Variants in GALNT17 observed in about 807,000 individuals in gnomAD.
GALNT17 encodes the protein polypeptide N-acetylgalactosaminyltransferase 17.
A neutral mutation model predicts 63.7 loss-of-function variants in GALNT17; 29 were observed. That is an observed-to-expected ratio of 0.46 (90% CI 0.34 to 0.62). The LOEUF (loss-of-function observed/expected upper bound fraction) is 0.62, where lower values mean the gene tolerates loss of function less well. GALNT17 is among the 20% of genes least tolerant of loss of function. The pLI is 0.01. For missense variants in GALNT17, 603 were observed against 799.6 expected (o/e 0.75, Z 2.97); for synonymous variants, 305 against 318.3 (o/e 0.96, Z 0.45).
At chr7:71,701,705 A>G (rs951077255) in intron 9 of GALNT17, among the ~76,000 whole-genome samples, 2 of 149,400 alleles carry the variant, frequency 1.3e-5, no homozygotes, top group Admixed American at 6.7e-5. Flanking sequence ...AGTGGATGGG[A>G]TAAAGAAAAT....
intron 1 of GALNT17, among the ~76,000 whole-genome samples, chr7:71,158,811 G>A (rs1047757517): frequency 6.6e-5 from 10 of 151,626 alleles, no homozygotes; most frequent in Admixed American, 2.0e-4. Flanking sequence ...TCCTGACCTC[G>A]TGGTCCACCC....
At chr7:71,531,571 A>G in intron 5 of GALNT17, among the ~76,000 whole-genome samples, 1 of 152,174 alleles carries the variant, frequency 6.6e-6, no homozygotes, top group Non-Finnish European at 1.5e-5. Context: ...TACTTCCTAG[A>G]TATAAACTCA....
chr7:71,481,818 C>A (rs1449047044), intron 5 of GALNT17, among the ~76,000 whole-genome samples: 1 of 152,012 alleles, frequency 6.6e-6, no homozygotes, highest in Non-Finnish European at 1.5e-5. Context: ...CGACAAGTTT[C>A]ATTCGTACTC....
intron 9 of GALNT17, among the ~76,000 whole-genome samples, chr7:71,690,394 C>G (rs1428952404): frequency 1.3e-5 from 2 of 151,938 alleles, no homozygotes; most frequent in East Asian, 3.9e-4. Flanking sequence ...ATTCCTTTCA[C>G]AATATCACTG....
chr7:71,255,761 G>C (rs1790277576), intron 1 of GALNT17, among the ~76,000 whole-genome samples: 1 of 152,162 alleles, frequency 6.6e-6, no homozygotes, highest in Non-Finnish European at 1.5e-5. Context: ...AGGCATTCCA[G>C]CTGAGGGAAC....
intron 3 of GALNT17, among the ~76,000 whole-genome samples, chr7:71,399,858 T>A (rs552898616): frequency 4.0e-4 from 61 of 152,260 alleles, no homozygotes; most frequent in African/African-American, 1.4e-3. Flanking sequence ...AGTGTGCATT[T>A]AAAAAAATAG....
chr7:71,454,010 T>C (rs1787312001), intron 5 of GALNT17, among the ~76,000 whole-genome samples: 1 of 152,216 alleles, frequency 6.6e-6, no homozygotes, highest in Non-Finnish European at 1.5e-5. Context: ...CTATTCACAC[T>C]ATGATATCAA....
intron 6 of GALNT17, among the ~76,000 whole-genome samples, chr7:71,627,303 A>T (rs776363140): frequency 2.0e-5 from 3 of 152,174 alleles, no homozygotes; most frequent in Non-Finnish European, 4.4e-5. Context: ...GGTTACCCAC[A>T]CTGGAGCAAC....
At chr7:71,292,802 A>C (rs1162856856) in intron 1 of GALNT17, among the ~76,000 whole-genome samples, 1 of 152,052 alleles carries the variant, frequency 6.6e-6, no homozygotes, top group Non-Finnish European at 1.5e-5. Context: ...TTAGATCTTC[A>C]GAAATTGTTT....
intron 8 of GALNT17, among the ~76,000 whole-genome samples, chr7:71,670,780 T>C (rs1317354879): frequency 6.6e-6 from 1 of 152,126 alleles, no homozygotes; most frequent in Non-Finnish European, 1.5e-5. Flanking sequence ...TTATCTAACT[T>C]ACCTAAGGTC....
chr7:71,288,778 G>T (rs1790924863), intron 1 of GALNT17, among the ~76,000 whole-genome samples: 1 of 152,054 alleles, frequency 6.6e-6, no homozygotes, highest in Non-Finnish European at 1.5e-5. Context: ...GCTGGAGGAA[G>T]CCCAGCTAGA....
At chr7:71,289,190 A>T (rs1248447087) in intron 1 of GALNT17, among the ~76,000 whole-genome samples, 1 of 148,070 alleles carries the variant, frequency 6.8e-6, no homozygotes, top group Non-Finnish European at 1.5e-5. Flanking sequence ...CTGTGCAGGC[A>T]TCATCTGACC....
chr7:71,489,850 C>T (rs1301819308), intron 5 of GALNT17, among the ~76,000 whole-genome samples: 1 of 152,194 alleles, frequency 6.6e-6, no homozygotes, highest in African/African-American at 2.4e-5. Flanking sequence ...TGGCTGGGGG[C>T]TCAGATGTTC....
intron 2 of GALNT17, among the ~76,000 whole-genome samples, chr7:71,375,984 T>C (rs1792714825): frequency 6.6e-6 from 1 of 151,772 alleles, no homozygotes; most frequent in African/African-American, 2.4e-5. Context: ...GGGGCTGAGG[T>C]AGGATAATCA....
At chr7:71,340,822 T>C (rs1791993725) in intron 2 of GALNT17, among the ~76,000 whole-genome samples, 2 of 152,010 alleles carry the variant, frequency 1.3e-5, no homozygotes, top group Admixed American at 1.3e-4. Flanking sequence ...TCATTTGAGG[T>C]CAGGAGTTTG....
intron 1 of GALNT17, among the ~76,000 whole-genome samples, chr7:71,137,291 C>A (rs1293488318): frequency 1.3e-5 from 2 of 152,128 alleles, no homozygotes; most frequent in African/African-American, 2.4e-5. Context: ...AGGCGTCCGC[C>A]ACCACGCCCG....
rs576519983 is a variant in GALNT17 at position 71,587,423 on chromosome 7, TTG to T, written c.1080+16025_1080+16026del. ...ACCTTTTTTTGAGCTTATAGTTAAT[TTG>T]TGTATCTCCTTTTGCCCATTTTTAA... On this transcript the variant is annotated intron_variant, in intron 6 of 10. Coordinates refer to ENST00000333538, the MANE Select transcript of GALNT17 (RefSeq NM_022479.3). Among the ~76,000 whole-genome samples the T allele has an allele frequency of 3.5e-3, 530 of 152,274 alleles. 8 individuals carry two copies. Among genetic ancestry groups the T allele is most frequent in the African/African-American group, 0.012 (505 of 41,548 alleles).
intron 5 of GALNT17, among the ~76,000 whole-genome samples, chr7:71,455,848 G>T (rs1180201377): frequency 6.6e-6 from 1 of 152,114 alleles, no homozygotes; most frequent in East Asian, 1.9e-4. Flanking sequence ...TCAAACTTTG[G>T]TCCCAGTACT....
intron 5 of GALNT17, among the ~76,000 whole-genome samples, chr7:71,549,528 A>C (rs778722711): frequency 1.3e-5 from 2 of 152,178 alleles, no homozygotes; most frequent in Non-Finnish European, 2.9e-5. Flanking sequence ...GTGAGCTACG[A>C]TCATGCCATT....
Sources: allele counts gnomAD v4.1 joint callset (sites outside exome capture counted in the v4.1 genomes callset), GRCh38; gene constraint gnomAD v4.1.1; transcripts MANE v1.5; gene names NCBI Gene and HGNC (gene_info 2026-07-23, HGNC 2026-07-21).